Variants in BMPR2 observed in about 807,000 individuals in gnomAD.
The protein encoded by BMPR2 is bone morphogenetic protein receptor type-2.
A neutral mutation model predicts 100.8 loss-of-function variants in BMPR2; 29 were observed. The ratio of observed to expected loss-of-function variants is 0.29; its 90% CI spans 0.21 to 0.39. The LOEUF is 0.39. Among genes scored for constraint, BMPR2 ranks in the 10% least tolerant of loss-of-function variants. The pLI, the probability that BMPR2 is intolerant of heterozygous loss-of-function variation, is 1.00. For missense variants in BMPR2, 1,011 were observed against 1,274.5 expected, an observed-to-expected ratio of 0.79 and a Z score of 3.15; for synonymous variants, 382 against 442.3, an observed-to-expected ratio of 0.86 and a Z score of 1.71.
chr2:202,429,196 C>T (rs1054608028), intron 1 of BMPR2, among the ~76,000 whole-genome samples: 9 of 152,078 alleles, frequency 5.9e-5, no homozygotes, highest in Non-Finnish European at 1.2e-4. Flanking sequence ...TTTCATACTC[C>T]GCCAGAGTAC....
chr2:202,559,815 C>G lies in BMPR2; in HGVS notation c.2986C>G (p.Leu996Val). 6.2e-7 allele frequency: 1 copy of G among 1,614,170 alleles called. No homozygotes were observed. The highest frequency in any genetic ancestry group is 8.5e-7 in the Non-Finnish European group (1 of 1,180,038). Reference sequence around the variant, plus strand: ...CACCTGGGTCATCTCCACTGAATCGCTGGACTGTGAAGTCAACAATAATGG... The same window carrying G: ...CACCTGGGTCATCTCCACTGAATCGGTGGACTGTGAAGTCAACAATAATGG... ...PSTWVISTES[L>V]DCEVNNNGSN... The change falls in exon 13 of 13, where the codon CTG becomes GTG. Residue 996 changes from leucine (L) to valine (V), a missense_variant. Physicochemically the swap from Leu to Val is conservative, Grantham distance 32 (BLOSUM62 1). This residue lies in a region of BMPR2 where 58 missense variants were observed against 72.3 expected (regional missense o/e 0.80). Coordinates refer to ENST00000374580, the MANE Select transcript of BMPR2 (RefSeq NM_001204.7).
rs554125004 is a variant in BMPR2, at chr2:202,478,998, G to T, written c.418+11309G>T. Among the ~76,000 whole-genome samples the T allele has an allele frequency of 3.3e-5, 5 of 152,192 alleles. No individual in the cohort carries two copies. The East Asian group carries it at 7.7e-4, about 24-fold the overall frequency. Reference sequence around the variant, plus strand: ...TATTGTGGTAGGCAGCTTCTGACATGGTTCCCAATGATCCCTGCCTCCTGG... The same window carrying T: ...TATTGTGGTAGGCAGCTTCTGACATTGTTCCCAATGATCCCTGCCTCCTGG... On this transcript the variant is annotated intron_variant, in intron 3 of 12. Transcript: ENST00000374580.
At chr2:202,418,636 A>C (rs1005588071) in intron 1 of BMPR2, among the ~76,000 whole-genome samples, 4 of 152,226 alleles carry the variant, frequency 2.6e-5, no homozygotes, top group Non-Finnish European at 2.9e-5. Context: ...CTTCCAGGTC[A>C]TAGGCAGATT....
rs937644981 is a variant in BMPR2, at chr2:202,530,670, T to C, written c.968-124T>C. ...GAGTGTGAGTTGAAATTCCGATTTC[T>C]CTTTTTTTGTTATTAGAAAATTAAT... On this transcript the variant is annotated intron_variant, in intron 7 of 12. Coordinates refer to ENST00000374580, the MANE Select transcript of BMPR2 (RefSeq NM_001204.7). 2.3e-5 allele frequency: 15 copies of C among 651,964 alleles called. No individual in the cohort carries two copies. The African/African-American group carries it at 2.7e-4, about 12-fold the overall frequency. 40.4% of individuals were successfully genotyped at this position (651,964 alleles called of 1,614,324 possible).
intron 3 of BMPR2, among the ~76,000 whole-genome samples, chr2:202,479,909 G>A (rs1692627180): frequency 6.6e-6 from 1 of 151,794 alleles, no homozygotes; most frequent in South Asian, 2.1e-4. Flanking sequence ...ATTTTATTTG[G>A]TAAAATGTTA....
chr2:202,438,661 C>T (rs968786595), intron 1 of BMPR2, among the ~76,000 whole-genome samples: 2 of 150,476 alleles, frequency 1.3e-5, no homozygotes, highest in Non-Finnish European at 2.9e-5. Flanking sequence ...GGGGATCCAA[C>T]TTTATTCTTT....
At chr2:202,465,415 C>T (rs573471178) in intron 2 of BMPR2, among the ~76,000 whole-genome samples, 16 of 151,964 alleles carry the variant, frequency 1.1e-4, no homozygotes, top group Middle Eastern at 3.4e-3. Context: ...GTGTATATCT[C>T]CACAAGCCCC....
intron 7 of BMPR2, 77 bp from the exon 8 acceptor site, chr2:202,530,714 ACTT>A (rs1688007047): frequency 1.6e-6 from 2 of 1,247,820 alleles, no homozygotes; most frequent in African/African-American, 1.5e-5. Context: ...AAATAATACT[ACTT>A]CTATATTTAT....
intron 1 of BMPR2, among the ~76,000 whole-genome samples, chr2:202,392,538 A>AT (rs1470714323): frequency 6.6e-6 from 1 of 152,162 alleles, no homozygotes; most frequent in East Asian, 1.9e-4. Flanking sequence ...GTCACAGTAT[A>AT]TTTTATGTGT....
chr2:202,539,050 G>T (rs1211939284), intron 9 of BMPR2, among the ~76,000 whole-genome samples: 1 of 152,112 alleles, frequency 6.6e-6, no homozygotes, highest in Non-Finnish European at 1.5e-5. Context: ...GGTGAATAAT[G>T]ACTGAATATT....
chr2:202,445,350 C>T lies in BMPR2; in HGVS notation c.77-19459C>T, dbSNP rs116410600. 6.8e-3 allele frequency among the ~76,000 whole-genome samples: 1,024 copies of T among 149,968 alleles called. 111 individuals carry two copies. Among genetic ancestry groups the T allele is most frequent in the African/African-American group, 0.024 (958 of 39,448 alleles). On this transcript the variant is annotated intron_variant, in intron 1 of 12. Transcript: ENST00000374580. ...CAAGCCATCCTCCTGTCTCAGCTTC[C>T]CAAGTACCTGAGACTACAGATGTGT...
In BMPR2 at chr2:202,436,977, A is replaced by C. The variant is rs542316705; in HGVS notation, c.77-27832A>C. On this transcript the variant is annotated intron_variant, in intron 1 of 12. Transcript: ENST00000374580. ...TTATTCACATGGACAATTTTTAGTC[A>C]ATTAGCATTTATTTTGGGGCTTCCT... is the stretch of plus-strand genomic sequence containing the variant. 1.2e-4 allele frequency among the ~76,000 whole-genome samples: 18 copies of C among 150,340 alleles called. 4 individuals are homozygous for C. Among genetic ancestry groups the C allele is most frequent in the African/African-American group, 4.5e-4 (18 of 39,802 alleles).
Position 202,490,887 on chromosome 2 carries a change from TG to T in BMPR2, c.419-22831del, listed in dbSNP as rs2105981513. ...CTCTCACTATATAAGGAGTATGGTT[TG>T]TAGGATCTGAGCAATGTTTTTTTGT... On this transcript the variant is annotated intron_variant, in intron 3 of 12. Coordinates refer to ENST00000374580, the MANE Select transcript of BMPR2 (RefSeq NM_001204.7). Among the ~76,000 whole-genome samples, 3 of 152,302 alleles carry T rather than the reference TG, an allele frequency of 2.0e-5. No homozygotes were observed. The South Asian group carries it at 6.2e-4, about 32-fold the overall frequency.
intron 3 of BMPR2, among the ~76,000 whole-genome samples, chr2:202,477,219 C>T (rs1692567691): frequency 6.6e-6 from 1 of 152,138 alleles, no homozygotes; most frequent in South Asian, 2.1e-4. Context: ...ATAGAGAAGA[C>T]ATTCAATAAA....
intron 3 of BMPR2, among the ~76,000 whole-genome samples, chr2:202,482,607 C>G (rs1021820757): frequency 6.6e-6 from 1 of 150,574 alleles, no homozygotes; most frequent in African/African-American, 2.4e-5. Flanking sequence ...GGCACGATCT[C>G]GGCTCACTGC....
chr2:202,446,641 C>G (rs1347069944), intron 1 of BMPR2, among the ~76,000 whole-genome samples: 1 of 148,386 alleles, frequency 6.7e-6, no homozygotes, highest in African/African-American at 2.6e-5. Flanking sequence ...TGCCCATGTG[C>G]ACACACTCAC....
intron 1 of BMPR2, among the ~76,000 whole-genome samples, chr2:202,439,176 ACTT>A (rs1416767524): frequency 8.0e-5 from 12 of 150,000 alleles, no homozygotes; most frequent in South Asian, 4.2e-4. Context: ...TAAATCTTGC[ACTT>A]CTTCTGTTAC....
chr2:202,402,753 G>T (rs551993934), intron 1 of BMPR2, among the ~76,000 whole-genome samples: 66 of 150,786 alleles, frequency 4.4e-4, no homozygotes, highest in South Asian at 3.9e-3. Flanking sequence ...TGCAACCTCC[G>T]CCTCCTGGGT....
chr2:202,433,374 G>A (rs1691544834), intron 1 of BMPR2, among the ~76,000 whole-genome samples: 1 of 150,582 alleles, frequency 6.6e-6, no homozygotes, highest in Admixed American at 6.6e-5. Context: ...AAAATTTTTT[G>A]TGCCAAAATA....
Sources: gnomAD v4.1 joint callset for allele counts (sites outside exome capture counted in the v4.1 genomes callset) on GRCh38, gnomAD v4.1.1 for gene constraint, gnomAD v4.1.1 regional missense constraint, MANE v1.5 for transcripts, NCBI Gene and HGNC (gene_info 2026-07-23, HGNC 2026-07-21) for gene names.